CAMK1D: variants seen among roughly 807,000 people sequenced by gnomAD.
CAMK1D encodes the protein calcium/calmodulin-dependent protein kinase type 1D.
A neutral mutation model predicts 47.7 loss-of-function variants in CAMK1D; 9 were observed. That is an observed-to-expected ratio of 0.19 (90% CI 0.11 to 0.33). The LOEUF is 0.33. Ranked by LOEUF, CAMK1D falls within the 10% of genes least tolerant of loss-of-function variation. The pLI, the probability that CAMK1D is intolerant of heterozygous loss-of-function variation, is 1.00. For missense variants in CAMK1D, 291 were observed against 488.7 expected, an observed-to-expected ratio of 0.60 and a Z score of 3.81; for synonymous variants, 184 against 184.9, an observed-to-expected ratio of 0.99 and a Z score of 0.04.
chr10:12,437,209 C>A (rs1467575993), intron 1 of CAMK1D, among the ~76,000 whole-genome samples: 1 of 151,914 alleles, frequency 6.6e-6, no homozygotes, highest in Non-Finnish European at 1.5e-5. Flanking sequence ...TCTATGTAAT[C>A]TATCTAGAGT....
At chr10:12,429,169 C>A (rs1207239146) in intron 1 of CAMK1D, among the ~76,000 whole-genome samples, 2 of 152,158 alleles carry the variant, frequency 1.3e-5, no homozygotes. Flanking sequence ...TTCCCCAGCC[C>A]CCAAGCCCTC....
At position 12,608,964 on chromosome 10, in the gene CAMK1D, C is replaced by G. The variant is rs141858023; in HGVS notation, c.224+55608C>G. Among the ~76,000 whole-genome samples, 40 of 152,252 alleles carry G rather than the reference C, an allele frequency of 2.6e-4. No homozygotes were observed. In the East Asian group the frequency reaches 7.3e-3, roughly 28 times the overall value. ...CTATTGAAAGCTCTTGGAATGGTGC[C>G]GGGCAGATGATGCATGCCAGTAGCA... On this transcript the variant is annotated intron_variant, in intron 2 of 10. Transcript: ENST00000619168.
chr10:12,821,628 T>C (rs2131107646), intron 8 of CAMK1D, among the ~76,000 whole-genome samples: 1 of 152,358 alleles, frequency 6.6e-6, no homozygotes, highest in South Asian at 2.1e-4. Context: ...TGAGACAGGC[T>C]GTAAAAGGTG....
At chr10:12,802,714 G>T (rs1167262626) in intron 6 of CAMK1D, among the ~76,000 whole-genome samples, 48 of 152,270 alleles carry the variant, frequency 3.2e-4, no homozygotes, top group Non-Finnish European at 5.9e-5. Context: ...TAGAGATGGG[G>T]TTTCACCATG....
At chr10:12,588,702 T>C (rs1837894638) in intron 2 of CAMK1D, among the ~76,000 whole-genome samples, 1 of 152,048 alleles carries the variant, frequency 6.6e-6, no homozygotes, top group African/African-American at 2.4e-5. Context: ...CCACAAGCCA[T>C]GTTGCCATTC....
intron 1 of CAMK1D, among the ~76,000 whole-genome samples, chr10:12,450,480 T>A (rs1411469502): frequency 6.6e-6 from 1 of 152,216 alleles, no homozygotes; most frequent in Admixed American, 6.5e-5. Flanking sequence ...TAAACGTGGC[T>A]CTCTAGCCAG....
At chr10:12,745,179 C>T (rs1236371596) in intron 3 of CAMK1D, among the ~76,000 whole-genome samples, 4 of 152,148 alleles carry the variant, frequency 2.6e-5, no homozygotes, top group African/African-American at 9.7e-5. Context: ...TACAGGCACC[C>T]ACCACCACGC....
Position 12,590,282 on chromosome 10 carries a change from A to T in CAMK1D, c.224+36926A>T, listed in dbSNP as rs184221832. Among the ~76,000 whole-genome samples the T allele has an allele frequency of 4.5e-3, 683 of 152,200 alleles. 3 individuals carry two copies. The highest frequency in any genetic ancestry group is 7.2e-3 in the Non-Finnish European group (490 of 68,010). On this transcript the variant is annotated intron_variant, in intron 2 of 10. Transcript: ENST00000619168. ...TCCCAGGCTGGAGTGCAGTGGCACC[A>T]TCATCGCCCACTGCAGCCTCGACCT...
intron 1 of CAMK1D, chr10:12,456,448 G>C (rs1024610215): frequency 6.6e-6 from 1 of 152,126 alleles, no homozygotes; most frequent in African/African-American, 2.4e-5. Flanking sequence ...CCACCAGTGG[G>C]GGATGCCGCA....
intron 6 of CAMK1D, among the ~76,000 whole-genome samples, chr10:12,795,981 C>T (rs1219730768): frequency 6.6e-6 from 1 of 152,192 alleles, no homozygotes; most frequent in Admixed American, 6.5e-5. Flanking sequence ...GCCAAGATAG[C>T]ATAAGGTCCA....
intron 3 of CAMK1D, among the ~76,000 whole-genome samples, chr10:12,673,534 A>C (rs1840698666): frequency 6.6e-6 from 1 of 151,990 alleles, no homozygotes; most frequent in Non-Finnish European, 1.5e-5. Flanking sequence ...TGTTTTGTGG[A>C]TTTCTTACCA....
chr10:12,569,005 G>T (rs1837232525), intron 2 of CAMK1D, among the ~76,000 whole-genome samples: 1 of 152,170 alleles, frequency 6.6e-6, no homozygotes, highest in Non-Finnish European at 1.5e-5. Context: ...CAGCGACAAG[G>T]AGTGTAATAT....
At chr10:12,534,317 C>T (rs1018124137) in intron 1 of CAMK1D, among the ~76,000 whole-genome samples, 29 of 152,200 alleles carry the variant, frequency 1.9e-4, no homozygotes, top group African/African-American at 6.8e-4. Flanking sequence ...TCAAGTGATT[C>T]TCCTGCCTCA....
intron 4 of CAMK1D, among the ~76,000 whole-genome samples, chr10:12,765,666 A>G (rs962539883): frequency 5.9e-5 from 9 of 152,250 alleles, no homozygotes; most frequent in Non-Finnish European, 1.2e-4. Context: ...TCTCACGCCA[A>G]GGAAATCAAG....
At chr10:12,680,377 AGTT>A (rs780993974) in intron 3 of CAMK1D, among the ~76,000 whole-genome samples, 31 of 152,118 alleles carry the variant, frequency 2.0e-4, no homozygotes, top group Non-Finnish European at 3.5e-4. Flanking sequence ...GAGGGTTTTT[AGTT>A]GTTGTTTGTT....
intron 2 of CAMK1D, among the ~76,000 whole-genome samples, chr10:12,646,496 A>AC (rs1839814164): frequency 6.6e-6 from 1 of 152,206 alleles, no homozygotes; most frequent in Non-Finnish European, 1.5e-5. Flanking sequence ...TAAGAATGAG[A>AC]CAGTCATAGG....
chr10:12,817,005 G>C (rs553189910), intron 8 of CAMK1D, among the ~76,000 whole-genome samples: 7 of 147,644 alleles, frequency 4.7e-5, no homozygotes, highest in East Asian at 2.3e-4. Flanking sequence ...GGAGTAGCAA[G>C]TCATATCTTA....
chr10:12,826,327 A>C lies in CAMK1D; in HGVS notation c.1039+637A>C, dbSNP rs184835894. Among the ~76,000 whole-genome samples, 429 of 152,286 alleles carry C rather than the reference A, an allele frequency of 2.8e-3. 1 individual carries two copies. The highest frequency in any genetic ancestry group is 9.9e-3 in the African/African-American group (413 of 41,560). On this transcript the variant is annotated intron_variant, in intron 10 of 10. Coordinates refer to ENST00000619168, the MANE Select transcript of CAMK1D (RefSeq NM_153498.4). ...TACAGTCACTCTTGCGGATTGAGGA[A>C]GGGAGAGCAGAGCCTCAGGACAGCC... is the stretch of plus-strand genomic sequence containing the variant.
rs189622508 is a variant in CAMK1D, at chr10:12,500,804, C to A, written c.93-52421C>A. Among the ~76,000 whole-genome samples, 5 of 152,342 alleles carry A rather than the reference C, an allele frequency of 3.3e-5. No homozygotes were observed. The East Asian group carries it at 9.6e-4, about 29-fold the overall frequency. On this transcript the variant is annotated intron_variant, in intron 1 of 10. Coordinates refer to ENST00000619168, the MANE Select transcript of CAMK1D (RefSeq NM_153498.4). ...GTGAAGTACACAGGTATGTTGTACA[C>A]CTCTTACTTGTTGATTAAAAATGAC...
Sources: gnomAD v4.1 joint callset for allele counts (sites outside exome capture counted in the v4.1 genomes callset) on GRCh38, gnomAD v4.1.1 for gene constraint, MANE v1.5 for transcripts, NCBI Gene and HGNC (gene_info 2026-07-23, HGNC 2026-07-21) for gene names.